Variants in HYCC1 observed in about 807,000 individuals in gnomAD.
HYCC1 encodes the protein hyccin PI4KA lipid kinase complex subunit 1.
the HYCC1 span, chr7:22,935,298 T>C: frequency 1.3e-5 from 2 of 152,230 alleles, no homozygotes; most frequent in Admixed American, 1.3e-4. Flanking sequence ...TGGGGTTTTT[T>C]TTCCACCTCC....
At chr7:22,902,201 A>G in the HYCC1 span, among the ~76,000 whole-genome samples, 1 of 152,154 alleles carries the variant, frequency 6.6e-6, no homozygotes, top group Non-Finnish European at 1.5e-5. Context: ...GAGAAATCAG[A>G]AGGAAATTTA....
the HYCC1 span, among the ~76,000 whole-genome samples, chr7:22,897,670 G>C: frequency 3.3e-5 from 5 of 152,278 alleles, no homozygotes; most frequent in East Asian, 1.9e-4. Context: ...CTGTTGCCCA[G>C]GGTGGAGTGC....
At chr7:22,941,430 T>C in the HYCC1 span, 1 of 152,208 alleles carries the variant, frequency 6.6e-6, no homozygotes, top group Non-Finnish European at 1.5e-5. Flanking sequence ...AGTCGTCGTT[T>C]ATTCTTTAGG....
the HYCC1 span, among the ~76,000 whole-genome samples, chr7:22,921,314 T>C: frequency 2.0e-5 from 3 of 152,118 alleles, no homozygotes; most frequent in Non-Finnish European, 2.9e-5. Flanking sequence ...GGGCAAAATA[T>C]TGGACTAGGA....
chr7:23,009,676 G>C, the HYCC1 span, among the ~76,000 whole-genome samples: 2 of 152,114 alleles, frequency 1.3e-5, no homozygotes, highest in Non-Finnish European at 2.9e-5. Flanking sequence ...AGGTGGTGAG[G>C]TGAGGATAGG....
At chr7:23,002,115 G>A in the HYCC1 span, among the ~76,000 whole-genome samples, 3 of 130,316 alleles carry the variant, frequency 2.3e-5, no homozygotes, top group Non-Finnish European at 1.6e-5. Flanking sequence ...AAATTGTCAA[G>A]AAGAAATAAT....
chr7:22,933,018 T>C, the HYCC1 span, among the ~76,000 whole-genome samples: 1 of 152,280 alleles, frequency 6.6e-6, no homozygotes, highest in Non-Finnish European at 1.5e-5. Context: ...AGCCAAGACC[T>C]GCCAGGAACC....
At chr7:22,999,413 T>C in the HYCC1 span, among the ~76,000 whole-genome samples, 1 of 152,222 alleles carries the variant, frequency 6.6e-6, no homozygotes, top group East Asian at 1.9e-4. Context: ...ATAAAGTTTA[T>C]GTTAACAGAT....
the HYCC1 span, among the ~76,000 whole-genome samples, chr7:22,993,522 A>T: frequency 6.6e-6 from 1 of 152,188 alleles, no homozygotes; most frequent in African/African-American, 2.4e-5. Context: ...TCATATCCAG[A>T]ATATATAAGG....
chr7:22,926,133 G>A, the HYCC1 span, among the ~76,000 whole-genome samples: 1 of 152,156 alleles, frequency 6.6e-6, no homozygotes, highest in African/African-American at 2.4e-5. Context: ...AGCAAATGCT[G>A]AGAGATTTTG....
the HYCC1 span, among the ~76,000 whole-genome samples, chr7:22,969,523 T>C: frequency 1.2e-4 from 13 of 109,662 alleles, no homozygotes; most frequent in Non-Finnish European, 5.8e-5. Flanking sequence ...TGTTTTTTTT[T>C]GGTTTTTTTT....
At chr7:22,934,234 T>TTTTTTTTTTC in the HYCC1 span, 13 of 122,428 alleles carry the variant, frequency 1.1e-4, 1 homozygote, top group African/African-American at 2.4e-4. Flanking sequence ...TTTTTTTTTT[T>TTTTTTTTTTC]CCCTCTCTGA....
chr7:22,974,159 C>T, the HYCC1 span, among the ~76,000 whole-genome samples: 1 of 152,064 alleles, frequency 6.6e-6, no homozygotes, highest in African/African-American at 2.4e-5. Context: ...CCATTTTAGT[C>T]GATAACAGAG....
the HYCC1 span, among the ~76,000 whole-genome samples, chr7:22,971,998 T>G: frequency 5.9e-5 from 9 of 152,094 alleles, no homozygotes; most frequent in African/African-American, 1.4e-4. Flanking sequence ...ATTGAAAAAT[T>G]TGCCATAGGT....
At chr7:22,986,740 C>T in the HYCC1 span, among the ~76,000 whole-genome samples, 19 of 152,026 alleles carry the variant, frequency 1.2e-4, no homozygotes, top group African/African-American at 4.6e-4. Flanking sequence ...CCCAGCTACT[C>T]GGGAGGCTGA....
At chr7:22,971,655 A>T in the HYCC1 span, among the ~76,000 whole-genome samples, 1 of 146,944 alleles carries the variant, frequency 6.8e-6, no homozygotes, top group East Asian at 2.0e-4. Context: ...CAGCCTGGGC[A>T]ACAGAGCAAG....
chr7:22,917,011 T>C, the HYCC1 span, among the ~76,000 whole-genome samples: 1 of 152,128 alleles, frequency 6.6e-6, no homozygotes, highest in African/African-American at 2.4e-5. Flanking sequence ...CTTCTCAAGG[T>C]CGCTTTACTT....
the HYCC1 span, chr7:23,014,071 C>T: frequency 6.4e-6 from 3 of 470,586 alleles, no homozygotes; most frequent in Admixed American, 2.3e-5. Flanking sequence ...AGCCATCTTC[C>T]CCCTCCTCTC....
the HYCC1 span, among the ~76,000 whole-genome samples, chr7:22,967,925 T>C: frequency 6.6e-6 from 1 of 152,200 alleles, no homozygotes; most frequent in African/African-American, 2.4e-5. Flanking sequence ...TTGTCTGCCA[T>C]GCCACCATCC....
Sources: allele counts gnomAD v4.1 joint callset (sites outside exome capture counted in the v4.1 genomes callset), GRCh38; gene constraint gnomAD v4.1.1; transcripts MANE v1.5; gene names NCBI Gene and HGNC (gene_info 2026-07-23, HGNC 2026-07-21).